The following HNRNPC variants were observed in gnomAD, a reference collection of about 807,000 sequenced individuals.
HNRNPC encodes the protein heterogeneous nuclear ribonucleoprotein C.
Under a neutral mutation model 33.2 loss-of-function variants are expected in HNRNPC, and 3 were observed. The observed-to-expected ratio is 0.09, with a 90% CI of 0.04 to 0.23. The LOEUF is 0.23. Ranked by LOEUF, HNRNPC falls within the 10% of genes least tolerant of loss-of-function variation. The probability of loss-of-function intolerance (pLI) is 1.00; values close to 1 mark genes in which losing one functional copy is unlikely to be tolerated. For synonymous variants in HNRNPC, 121 were observed against 126.7 expected (o/e 0.96, Z 0.30); for missense variants, 143 against 366.7 (o/e 0.39, Z 4.98).
chr14:21,231,548 C>T (rs1176773435), intron 3 of HNRNPC: 5 of 360,666 alleles, frequency 1.4e-5, no homozygotes, highest in African/African-American at 1.1e-4. Context: ...ACGTGATCTG[C>T]CTTGACCTCC....
intron 2 of HNRNPC, among the ~76,000 whole-genome samples, chr14:21,251,969 G>C (rs1896728892): frequency 1.3e-5 from 2 of 152,088 alleles, no homozygotes. Context: ...TAATAACCTA[G>C]CAGCCCAGAA....
At chr14:21,232,720 C>T (rs1401346097) in intron 3 of HNRNPC, among the ~76,000 whole-genome samples, 1 of 152,142 alleles carries the variant, frequency 6.6e-6, no homozygotes, top group African/African-American at 2.4e-5. Context: ...TATACAAAAG[C>T]AGCTCATCAA....
chr14:21,214,379 C>T (rs944989188), intron 5 of HNRNPC, among the ~76,000 whole-genome samples: 1 of 152,178 alleles, frequency 6.6e-6, no homozygotes, highest in Non-Finnish European at 1.5e-5. Flanking sequence ...CTAATTCTCT[C>T]CTCTGTTAAC....
rs780888613 is a variant in HNRNPC, at chr14:21,211,903, C to T, written c.544G>A (p.Ala182Thr). Residue 182 changes from alanine to threonine, a missense_variant, in exon 7 of 9, where the codon GCC becomes ACC. Physicochemically the swap from Ala to Thr is moderately conservative, Grantham distance 58. Transcript: ENST00000553300. ...ATCTGGGTCAGCTCCTTCTTAATGG[C>T]CTGAAGGTCATCTCCTTTCACTTTA... is the stretch of plus-strand genomic sequence containing the variant. Reference protein sequence around the residue: ...SGKLKGDDLQAIKKELTQIKQ... With the variant: ...SGKLKGDDLQTIKKELTQIKQ... 1.5e-5 allele frequency: 25 copies of T among 1,612,936 alleles called. No individual in the cohort carries two copies. In the South Asian group the frequency reaches 2.0e-4, roughly 13 times the overall value.
chr14:21,213,166 A>C, intron 5 of HNRNPC, 49 bp from the exon 6 acceptor site: 8 of 1,562,960 alleles, frequency 5.1e-6, no homozygotes, highest in Admixed American at 1.7e-5. Context: ...ACATTAACTC[A>C]GCACAATTCA....
chr14:21,228,682 G>A (rs987705576), intron 5 of HNRNPC, among the ~76,000 whole-genome samples: 9 of 151,886 alleles, frequency 5.9e-5, no homozygotes, highest in East Asian at 3.9e-4. Flanking sequence ...GTGAGCCACC[G>A]TGCCCAGCTG....
chr14:21,263,804 G>A (rs1878560901), intron 1 of HNRNPC: 1 of 152,168 alleles, frequency 6.6e-6, no homozygotes, highest in African/African-American at 2.4e-5. Flanking sequence ...GCTCCAGTGA[G>A]TAGGGATGGG....
chr14:21,248,318 C>G (rs4982435), intron 2 of HNRNPC, among the ~76,000 whole-genome samples: 24,056 of 152,200 alleles, frequency 0.16, 2,173 homozygotes, highest in Admixed American at 0.24. Flanking sequence ...TTTGGGATTA[C>G]AGGCGTGAGC....
intron 2 of HNRNPC, among the ~76,000 whole-genome samples, chr14:21,256,653 CCTTT>C (rs1376398335): frequency 1.3e-5 from 2 of 151,704 alleles, no homozygotes; most frequent in South Asian, 2.1e-4. Flanking sequence ...AGCATTTTTT[CCTTT>C]CTTTTTTTTG....
chr14:21,224,439 C>T (rs1893184559), intron 5 of HNRNPC, among the ~76,000 whole-genome samples: 1 of 152,122 alleles, frequency 6.6e-6, no homozygotes, highest in African/African-American at 2.4e-5. Flanking sequence ...CTCTGTGAAA[C>T]CCCCCTTCAT....
At chr14:21,240,146 C>T (rs1034716258) in intron 2 of HNRNPC, among the ~76,000 whole-genome samples, 1 of 151,966 alleles carries the variant, frequency 6.6e-6, no homozygotes. Flanking sequence ...GCAATAAAAG[C>T]GATACAAGAT....
intron 5 of HNRNPC, among the ~76,000 whole-genome samples, chr14:21,220,081 T>G (rs1221410735): frequency 6.6e-6 from 1 of 152,168 alleles, no homozygotes; most frequent in Non-Finnish European, 1.5e-5. Context: ...TCAGTAAGAG[T>G]GATCTTGTTA....
chr14:21,234,657 G>A lies in HNRNPC; in HGVS notation c.-36-428C>T, dbSNP rs549637145. 76 of 163,398 alleles carry A rather than the reference G, an allele frequency of 4.7e-4. 1 individual carries two copies. Among genetic ancestry groups the A allele is most frequent in the Admixed American group, 1.0e-3 (18 of 17,234 alleles). 10.1% of individuals were successfully genotyped at this position (163,398 alleles called of 1,614,324 possible). A position where few individuals can be genotyped will look rare whatever the true frequency, so the allele number is the denominator to read the frequency against. The stretch of plus-strand genomic sequence containing the variant: ...CCTGCCATCAATAATCTTGATTCAC[G>A]TTGCTTTTATTGAGTTTCACCGGTT... On this transcript the variant is annotated intron_variant, in intron 2 of 8. Coordinates refer to ENST00000553300, the MANE Select transcript of HNRNPC (RefSeq NM_004500.4).
At chr14:21,231,800 A>G (rs1421975916) in intron 3 of HNRNPC, among the ~76,000 whole-genome samples, 8 of 152,196 alleles carry the variant, frequency 5.3e-5, no homozygotes, top group Non-Finnish European at 1.2e-4. Flanking sequence ...CTCAGTTACT[A>G]TTACAAGAGA....
chr14:21,240,620 T>C (rs1895232122), intron 2 of HNRNPC, among the ~76,000 whole-genome samples: 2 of 152,150 alleles, frequency 1.3e-5, no homozygotes, highest in Non-Finnish European at 1.5e-5. Context: ...CTTCCTTTTT[T>C]ATCTGGGCAC....
chr14:21,233,594 G>T lies in HNRNPC; in HGVS notation c.241+359C>A, dbSNP rs751735432. Among the ~76,000 whole-genome samples, 6 of 152,082 alleles carry T rather than the reference G, an allele frequency of 3.9e-5. No individual in the cohort carries two copies. The East Asian group carries it at 1.2e-3, about 29-fold the overall frequency. ...TGAGCCAAACTGCAGTCGGCCCAAC[G>T]GATGGAGTGAAATCCCAATGGGGAG... is the stretch of plus-strand genomic sequence containing the variant. On this transcript the variant is annotated intron_variant, in intron 3 of 8. Transcript: ENST00000553300.
chr14:21,259,853 C>T (rs1268671533), intron 2 of HNRNPC, among the ~76,000 whole-genome samples: 1 of 142,216 alleles, frequency 7.0e-6, no homozygotes, highest in African/African-American at 2.6e-5. Context: ...TGAGACCAGC[C>T]TGGGAAACAA....
intron 1 of HNRNPC, among the ~76,000 whole-genome samples, chr14:21,268,122 T>TA (rs1256395593): frequency 3.9e-5 from 6 of 152,162 alleles, no homozygotes; most frequent in East Asian, 1.9e-4. Context: ...ATGTGAGGAT[T>TA]AAAAAAAGCG....
chr14:21,256,357 G>A (rs187553188), intron 2 of HNRNPC, among the ~76,000 whole-genome samples: 3 of 151,978 alleles, frequency 2.0e-5, no homozygotes, highest in Admixed American at 6.6e-5. Flanking sequence ...GCTGAGGCAG[G>A]AGAACTGCTT....
Sources: allele counts gnomAD v4.1 joint callset (sites outside exome capture counted in the v4.1 genomes callset), GRCh38; gene constraint gnomAD v4.1.1; transcripts MANE v1.5; gene names NCBI Gene and HGNC (gene_info 2026-07-23, HGNC 2026-07-21).